KLF13: variants seen among roughly 807,000 people sequenced by gnomAD.
KLF13 encodes Krueppel-like factor 13.
A neutral mutation model predicts 16.7 loss-of-function variants in KLF13; 8 were observed. That is an observed-to-expected ratio of 0.48 (90% CI 0.28 to 0.87). The LOEUF (loss-of-function observed/expected upper bound fraction) is 0.87. Among genes scored for constraint, KLF13 ranks in the 40% least tolerant of loss-of-function variants. The pLI, the probability that KLF13 is intolerant of heterozygous loss-of-function variation, is 0.10. For synonymous variants in KLF13, 245 were observed against 208.4 expected, an observed-to-expected ratio of 1.18 and a Z score of -1.51; for missense variants, 447 against 452.2, an observed-to-expected ratio of 0.99 and a Z score of 0.10.
downstream of KLF13, among the ~76,000 whole-genome samples, chr15:31,405,327 G>C (rs185303713): frequency 0.013 from 2,023 of 152,208 alleles, 19 homozygotes; most frequent in Middle Eastern, 0.071. Context: ...AAAACAGAAG[G>C]AAAAAAAAAG....
At chr15:31,338,161 C>A (rs1788409349) in intron 1 of KLF13, among the ~76,000 whole-genome samples, 1 of 152,190 alleles carries the variant, frequency 6.6e-6, no homozygotes, top group African/African-American at 2.4e-5. Context: ...TTCTTAAGTT[C>A]ACTCACTTTA....
chr15:31,430,342 G>A lies in KLF13; in HGVS notation n.118-5028G>A, dbSNP rs371537411. 3.9e-5 allele frequency among the ~76,000 whole-genome samples: 6 copies of A among 152,308 alleles called. No homozygotes were observed. The East Asian group carries it at 7.7e-4, about 20-fold the overall frequency. On this transcript the variant is annotated intron_variant and non_coding_transcript_variant, in intron 1 of 1. Coordinates refer to the KLF13 transcript ENST00000558225. Reference sequence around the variant, plus strand: ...GGGGAAAAAATGGGTGTCTTAGTCTGTGTCATGCTGCTATCACAGTACACC... The same window carrying A: ...GGGGAAAAAATGGGTGTCTTAGTCTATGTCATGCTGCTATCACAGTACACC...
chr15:31,329,484 G>T lies in KLF13; in HGVS notation c.577+1695G>T, dbSNP rs191564497. ...CACCGGTAGCGGGGAATTGAGGAGG[G>T]GGGTGGCCGAGGGGAGGGGCTCGCC... On this transcript the variant is annotated intron_variant, in intron 1 of 1. Coordinates refer to ENST00000307145, the MANE Select transcript of KLF13 (RefSeq NM_015995.4). Among the ~76,000 whole-genome samples, 420 of 152,316 alleles carry T rather than the reference G, an allele frequency of 2.8e-3. 3 individuals are homozygous for T. Among genetic ancestry groups the T allele is most frequent in the African/African-American group, 9.2e-3 (384 of 41,556 alleles).
chr15:31,334,932 G>A (rs2038901777), intron 1 of KLF13, among the ~76,000 whole-genome samples: 1 of 152,100 alleles, frequency 6.6e-6, no homozygotes, highest in South Asian at 2.1e-4. Context: ...CACTCTTCTG[G>A]GCCAAAATAA....
At chr15:31,362,709 G>A (rs569079288) in intron 1 of KLF13, among the ~76,000 whole-genome samples, 1 of 152,300 alleles carries the variant, frequency 6.6e-6, no homozygotes, top group African/African-American at 2.4e-5. Flanking sequence ...AACCTTCCCT[G>A]TTCTCCATCT....
chr15:31,367,194 A>C (rs886140711), intron 1 of KLF13, among the ~76,000 whole-genome samples: 21 of 152,080 alleles, frequency 1.4e-4, no homozygotes, highest in Admixed American at 7.9e-4. Flanking sequence ...CCTGAGTGTC[A>C]CTACCAGGGG....
At chr15:31,415,028 G>C (rs1381024989) in intron 1 of KLF13, among the ~76,000 whole-genome samples, 1 of 152,134 alleles carries the variant, frequency 6.6e-6, no homozygotes, top group African/African-American at 2.4e-5. Context: ...CTTATTCTAT[G>C]AGTTCCCATG....
chr15:31,380,621 C>G (rs1378936260), downstream of KLF13, among the ~76,000 whole-genome samples: 3 of 152,196 alleles, frequency 2.0e-5, no homozygotes. Context: ...CGATGTGTAG[C>G]TTATTCTGGG....
rs142717331 is a variant in KLF13 at position 31,411,028 on chromosome 15, A to C, written n.117+17337A>C. Reference sequence around the variant, plus strand: ...AAATTAGAAATTGATTTTATGGTTAAAAGCTTTCTATATAGAGAATGCCAT... The same window carrying C: ...AAATTAGAAATTGATTTTATGGTTACAAGCTTTCTATATAGAGAATGCCAT... On this transcript the variant is annotated intron_variant and non_coding_transcript_variant, in intron 1 of 1. Transcript: ENST00000558225. Among the ~76,000 whole-genome samples the C allele has an allele frequency of 2.8e-4, 42 of 152,348 alleles. No individual in the cohort carries two copies. The East Asian group carries it at 6.0e-3, about 22-fold the overall frequency.
intron 1 of KLF13, chr15:31,339,835 G>T (rs190813109): frequency 3.0e-6 from 2 of 657,642 alleles, no homozygotes; most frequent in East Asian, 2.7e-5. Context: ...CTGCTGTCTC[G>T]TGGGAGTGCC....
At chr15:31,418,757 G>C (rs553541775) in intron 1 of KLF13, among the ~76,000 whole-genome samples, 1 of 152,232 alleles carries the variant, frequency 6.6e-6, no homozygotes, top group Non-Finnish European at 1.5e-5. Context: ...CAGGATTTAT[G>C]TATCAGTCCA....
intron 1 of KLF13, among the ~76,000 whole-genome samples, chr15:31,365,859 T>G (rs1003091782): frequency 6.6e-6 from 1 of 152,036 alleles, no homozygotes; most frequent in African/African-American, 2.4e-5. Context: ...GATTGGGGGC[T>G]CAGCTGAAGG....
intron 2 of KLF13, among the ~76,000 whole-genome samples, chr15:31,398,095 T>C (rs2039980998): frequency 6.6e-6 from 1 of 152,188 alleles, no homozygotes; most frequent in South Asian, 2.1e-4. Context: ...CTCCGATAGT[T>C]ACCCAGTAAT....
intron 1 of KLF13, among the ~76,000 whole-genome samples, chr15:31,360,816 C>T (rs1345075802): frequency 3.3e-5 from 5 of 152,224 alleles, no homozygotes; most frequent in African/African-American, 7.2e-5. Flanking sequence ...GTGAAACCAA[C>T]CCTGAAGAAT....
At chr15:31,416,446 A>G (rs1293907773) in intron 1 of KLF13, among the ~76,000 whole-genome samples, 2 of 152,210 alleles carry the variant, frequency 1.3e-5, no homozygotes, top group East Asian at 3.8e-4. Context: ...ATTATACACC[A>G]TGACCAAGTG....
At position 31,327,699 on chromosome 15, in the gene KLF13, C is replaced by G. The variant is rs774994043; in HGVS notation, c.487C>G (p.Pro163Ala). The G allele has an allele frequency of 6.5e-7, 1 of 1,538,296 alleles. No homozygotes were observed. Among genetic ancestry groups the G allele is most frequent in the Non-Finnish European group, 8.8e-7 (1 of 1,139,758 alleles). ...RGRSRADLESPQRKHKCHYAG... is the reference protein window; with the variant it reads ...RGRSRADLESAQRKHKCHYAG... ...CCGAAGTCGCGCCGACCTCGAGTCC[C>G]CGCAGAGGAAGCACAAGTGCCACTA... is the stretch of plus-strand genomic sequence containing the variant. Residue 163 changes from proline to alanine, a missense_variant, in exon 1 of 2, where the codon CCG (proline) becomes GCG (alanine). Physicochemically the swap from Pro to Ala is conservative, Grantham distance 27. Transcript: ENST00000307145.
chr15:31,423,139 G>GTATATATATGTATA lies in KLF13; in HGVS notation n.118-12227_118-12226insTATATGTATATATA, dbSNP rs1491468052. Among the ~76,000 whole-genome samples, 19 of 15,156 alleles carry GTATATATATGTATA rather than the reference G, an allele frequency of 1.3e-3. 1 individual carries two copies. The highest frequency in any genetic ancestry group is 2.2e-3 in the East Asian group (2 of 896). The allele number at this position is 15,156 out of a possible 152,430, so 9.9% of individuals were successfully genotyped here. On this transcript the variant is annotated intron_variant and non_coding_transcript_variant, in intron 1 of 1. Coordinates refer to the KLF13 transcript ENST00000558225. ...TATATATACGTATATATACGTATAC[G>GTATATATATGTATA]TATACGTATATATACGTATATATAT...
chr15:31,398,175 C>T (rs113608313), intron 2 of KLF13, among the ~76,000 whole-genome samples: 13 of 152,160 alleles, frequency 8.5e-5, no homozygotes, highest in Non-Finnish European at 1.8e-4. Flanking sequence ...TGCTCCTGCT[C>T]GGGCGGGGCC....
chr15:31,382,476 C>T (rs1353339842), downstream of KLF13, among the ~76,000 whole-genome samples: 1 of 152,202 alleles, frequency 6.6e-6, no homozygotes, highest in Non-Finnish European at 1.5e-5. Flanking sequence ...CTAAAGGCTT[C>T]TAACCTGTCT....
Sources: gnomAD v4.1 joint callset for allele counts (sites outside exome capture counted in the v4.1 genomes callset) on GRCh38, gnomAD v4.1.1 for gene constraint, MANE v1.5 for transcripts, NCBI Gene and HGNC (gene_info 2026-07-23, HGNC 2026-07-21) for gene names.